Variants in LENG1 observed in about 807,000 individuals in gnomAD.
LENG1 encodes leukocyte receptor cluster member 1.
In LENG1, 35 loss-of-function variants were observed where a neutral mutation model predicts 28.8. That is an observed-to-expected ratio of 1.22 (90% CI 0.93 to 1.61). LENG1 has a LOEUF of 1.61. Among genes scored for constraint, LENG1 ranks in the 40% most tolerant of loss-of-function variants. The pLI, the probability that LENG1 is intolerant of heterozygous loss-of-function variation, is 0.00. For missense variants in LENG1, 404 were observed against 348.9 expected, an observed-to-expected ratio of 1.16 and a Z score of -1.26; for synonymous variants, 170 against 140.6, an observed-to-expected ratio of 1.21 and a Z score of -1.48.
intron 3 of LENG1, 120 bp from the exon 4 acceptor site, chr19:54,156,060 A>G (rs1016602946): frequency 1.7e-5 from 15 of 879,196 alleles, no homozygotes; most frequent in African/African-American, 1.7e-4. Context: ...CCCCAGCCTC[A>G]GCTCCTTAGG....
rs761816991 is a variant in LENG1 at position 54,156,880 on chromosome 19, C to G, written c.458G>C (p.Arg153Pro). 3 of 888,420 alleles carry G rather than the reference C, an allele frequency of 3.4e-6. No homozygotes were observed. The highest frequency in any genetic ancestry group is 5.2e-6 in the Non-Finnish European group (3 of 580,262). 55.0% of individuals were successfully genotyped at this position (888,420 alleles called of 1,614,324 possible). ...CTGCATCTCCCGCAGAGGGTCCAGACGGCTCTTGATCTTCTCATCTGGGGC... is the reference window on the plus strand; with the variant it reads ...CTGCATCTCCCGCAGAGGGTCCAGAGGGCTCTTGATCTTCTCATCTGGGGC... ...GPAPDEKIKSRLDPLREMQKH... is the reference protein window; with the variant it reads ...GPAPDEKIKSPLDPLREMQKH... Residue 153 changes from arginine (R) to proline (P), a missense_variant, in exon 3 of 4, where the codon CGT becomes CCT. Coordinates refer to ENST00000222224, the MANE Select transcript of LENG1 (RefSeq NM_024316.3).
intron 2 of LENG1, among the ~76,000 whole-genome samples, chr19:54,157,816 C>T (rs1303100922): frequency 2.0e-5 from 3 of 152,212 alleles, no homozygotes; most frequent in African/African-American, 7.2e-5. Flanking sequence ...GCTTCCACCT[C>T]CTGGGTCAAG....
rs2075364195 is a variant in LENG1 at position 54,155,692 on chromosome 19, C to T, written c.*29G>A. 4 of 1,538,444 alleles carry T rather than the reference C, an allele frequency of 2.6e-6. No individual in the cohort carries two copies. The highest frequency in any genetic ancestry group is 4.2e-4 in the Middle Eastern group (2 of 4,724). On this transcript the variant is annotated 3_prime_UTR_variant, in exon 4 of 4. Transcript: ENST00000222224. ...AATAGTTTTATATGACGGCTGGCAG[C>T]AGCGGCCTCTCCTGTACCCCCTCAG...
chr19:54,155,459 C>T lies in LENG1; in HGVS notation c.*262G>A, dbSNP rs754597321. The T allele has an allele frequency of 8.1e-6, 10 of 1,232,628 alleles. No homozygotes were observed. In the East Asian group the frequency reaches 1.0e-4, roughly 12 times the overall value. The allele number at this position is 1,232,628 out of a possible 1,614,324, so 76.4% of individuals were successfully genotyped here. ...CTTCCCCCGCATGCTGATCCCCCTG[C>T]CCAGGTGAGGGCCCTGCCCTGGAAG... On this transcript the variant is annotated 3_prime_UTR_variant, in exon 4 of 4. Coordinates refer to ENST00000222224, the MANE Select transcript of LENG1 (RefSeq NM_024316.3).
chr19:54,158,314 T>A lies in LENG1; in HGVS notation c.280A>T (p.Lys94Ter). The A allele has an allele frequency of 6.2e-7, 1 of 1,614,196 alleles. No homozygotes were observed. The highest frequency in any genetic ancestry group is 8.5e-7 in the Non-Finnish European group (1 of 1,180,012). Residue 94 changes from lysine (K) to a stop codon, truncating the protein, a stop_gained, in exon 2 of 4, where the codon AAA (lysine) becomes TAA (stop). Transcript: ENST00000222224. LOFTEE classifies it high-confidence loss of function. Reference protein sequence around the residue: ...EEGKGVIRGNKEYKEEKRQEK... With the variant: ...EEGKGVIRGN ...TGTCGCTTTTCTTCCTTGTACTCTT[T>A]ATTGCCTCTGATCACTCCTTTCCCT...
chr19:54,156,310 A>C (rs955135906), intron 3 of LENG1, among the ~76,000 whole-genome samples: 1 of 152,148 alleles, frequency 6.6e-6, no homozygotes, highest in African/African-American at 2.4e-5. Context: ...TTACTCTCTA[A>C]CCCAGCAGCT....
In LENG1 at chr19:54,155,561, A is replaced by G. The variant is rs1415370485; in HGVS notation, c.*160T>C. 3.2e-6 allele frequency: 3 copies of G among 944,740 alleles called. No homozygotes were observed. Among genetic ancestry groups the G allele is most frequent in the African/African-American group, 1.7e-5 (1 of 60,130 alleles). 58.5% of individuals were successfully genotyped at this position (944,740 alleles called of 1,614,324 possible). ...GAGGGGGCCGGGAGGTTTTCCTCTC[A>G]GCCCCACCCTGGGGGCCCGGGGGCG... On this transcript the variant is annotated 3_prime_UTR_variant, in exon 4 of 4. Transcript: ENST00000222224.
At position 54,155,843 on chromosome 19, in the gene LENG1, C is replaced by G. The variant is rs767362173; in HGVS notation, c.673G>C (p.Ala225Pro). ...EALLARVQGR[A>P]LQEGQPEEDE... Reference sequence around the variant, plus strand: ...TCTTCCGGCTGACCCTCCTGTAGTGCCCGGCCTTGGACCCGGGCCAGCAGG... The same window carrying G: ...TCTTCCGGCTGACCCTCCTGTAGTGGCCGGCCTTGGACCCGGGCCAGCAGG... The change falls in exon 4 of 4, where the codon GCA becomes CCA. Residue 225 changes from alanine to proline, a missense_variant. Transcript: ENST00000222224. 8 of 1,612,638 alleles carry G rather than the reference C, an allele frequency of 5.0e-6. No individual in the cohort carries two copies. Among genetic ancestry groups the G allele is most frequent in the Non-Finnish European group, 5.9e-6 (7 of 1,179,836 alleles).
rs1351731384 is a variant in LENG1, at chr19:54,158,343, T to TC, written c.250dup (p.Glu84GlyfsTer11). The TC allele has an allele frequency of 6.2e-7, 1 of 1,612,890 alleles. No homozygotes were observed. Among genetic ancestry groups the TC allele is most frequent in the Non-Finnish European group, 8.5e-7 (1 of 1,179,294 alleles). On this transcript the variant is annotated frameshift_variant, in exon 2 of 4. Transcript: ENST00000222224. LOFTEE classifies it high-confidence loss of function. Reference sequence around the variant, plus strand: ...GCCTCTGATCACTCCTTTCCCTTCCTCCAGCAGCTCCCGAAACAGGTCCAC... The same window carrying TC: ...GCCTCTGATCACTCCTTTCCCTTCCTCCCAGCAGCTCCCGAAACAGGTCCAC...
chr19:54,159,479 T>G (rs2075460320), intron 1 of LENG1, 85 bp downstream of exon 1: 3 of 1,385,812 alleles, frequency 2.2e-6, no homozygotes, highest in Non-Finnish European at 9.5e-7. Context: ...ACATTGAGCC[T>G]GCGCAACGCC....
At chr19:54,156,076 T>A (rs1473548437) in intron 3 of LENG1, 136 bp from the exon 4 acceptor site, 34 of 746,918 alleles carry the variant, frequency 4.6e-5, no homozygotes, top group Non-Finnish European at 6.8e-5. Flanking sequence ...TTAGGCCTGC[T>A]GGAAGCAGCC....
chr19:54,155,218 G>C lies in LENG1; in HGVS notation c.*503C>G. The C allele has an allele frequency of 6.5e-7, 1 of 1,534,540 alleles. No individual in the cohort carries two copies. Among genetic ancestry groups the C allele is most frequent in the Non-Finnish European group, 8.8e-7 (1 of 1,136,562 alleles). Reference sequence around the variant, plus strand: ...TGGCCCGGTGCCTGACACATCCACAGCCCTAAGAATTGTCCCCTTTGTCTG... The same window carrying C: ...TGGCCCGGTGCCTGACACATCCACACCCCTAAGAATTGTCCCCTTTGTCTG... On this transcript the variant is annotated 3_prime_UTR_variant, in exon 4 of 4. Transcript: ENST00000222224.
At chr19:54,156,723 A>AAGGTCTGGGCCCTGGTCTGCCG (rs2075394182) in intron 3 of LENG1, 40 bp downstream of exon 3, 1 of 1,563,998 alleles carries the variant, frequency 6.4e-7, no homozygotes, top group Non-Finnish European at 8.7e-7. Context: ...CCAAGCCCTG[A>AAGGTCTGGGCCCTGGTCTGCCG]AGGTCTGGGC....
In LENG1 at chr19:54,155,502, A is replaced by C. The variant is rs765003669; in HGVS notation, c.*219T>G. 80 of 960,924 alleles carry C rather than the reference A, an allele frequency of 8.3e-5. 1 individual carries two copies. Among genetic ancestry groups the C allele is most frequent in the Non-Finnish European group, 1.2e-4 (76 of 647,144 alleles). The allele number at this position is 960,924 out of a possible 1,614,324, so 59.5% of individuals were successfully genotyped here. ...CCTGGAAGACTGGAGGGAGGCCCCA[A>C]GCCACGGGGCATCCCCCTCTCCCAG... On this transcript the variant is annotated 3_prime_UTR_variant, in exon 4 of 4. Coordinates refer to ENST00000222224, the MANE Select transcript of LENG1 (RefSeq NM_024316.3).
chr19:54,156,456 C>T (rs2075388404), intron 3 of LENG1, among the ~76,000 whole-genome samples: 1 of 152,190 alleles, frequency 6.6e-6, no homozygotes, highest in Non-Finnish European at 1.5e-5. Flanking sequence ...AAGCATCTGC[C>T]ATTGGCCATC....
In LENG1 at chr19:54,155,701, C is replaced by T; in HGVS notation, c.*20G>A. The T allele has an allele frequency of 6.3e-7, 1 of 1,594,576 alleles. No individual in the cohort carries two copies. The highest frequency in any genetic ancestry group is 8.6e-7 in the Non-Finnish European group (1 of 1,167,824). ...ATATGACGGCTGGCAGCAGCGGCCT[C>T]TCCTGTACCCCCTCAGGAGTCAGTG... On this transcript the variant is annotated 3_prime_UTR_variant, in exon 4 of 4. Transcript: ENST00000222224.
At chr19:54,157,645 C>T (rs2075419719) in intron 2 of LENG1, among the ~76,000 whole-genome samples, 1 of 152,162 alleles carries the variant, frequency 6.6e-6, no homozygotes, top group Admixed American at 6.5e-5. Flanking sequence ...GCTGGGATTA[C>T]AGGCGTGAGC....
At chr19:54,159,195 A>G (rs74436912) in intron 1 of LENG1, among the ~76,000 whole-genome samples, 3,034 of 152,366 alleles carry the variant, frequency 0.02, 108 homozygotes, top group African/African-American at 0.069. Context: ...CACGGCATGT[A>G]GTTAGCATAC....
Position 54,156,994 on chromosome 19 carries a change from G to A in LENG1, c.344C>T (p.Thr115Ile). 1 of 1,572,956 alleles carries A rather than the reference G, an allele frequency of 6.4e-7. No homozygotes were observed. Among genetic ancestry groups the A allele is most frequent in the Non-Finnish European group, 8.6e-7 (1 of 1,158,064 alleles). The stretch of plus-strand genomic sequence containing the variant: ...CTCCGCTGCACTCTGGCCCAGGTAT[G>A]TCAGGATGCCCAGAGCTTTCTCTTG... ...ERQEKALGIL[T>I]YLGQSAAEAQ... The change falls in exon 3 of 4, where the codon ACA becomes ATA. Residue 115 changes from threonine (T) to isoleucine (I), a missense_variant. By Grantham distance (89) the Thr-to-Ile change is moderately conservative. Coordinates refer to ENST00000222224, the MANE Select transcript of LENG1 (RefSeq NM_024316.3).
Sources: allele counts gnomAD v4.1 joint callset (sites outside exome capture counted in the v4.1 genomes callset), GRCh38; gene constraint gnomAD v4.1.1; transcripts MANE v1.5; gene names NCBI Gene and HGNC (gene_info 2026-07-23, HGNC 2026-07-21).